Variants in FKTN observed in about 807,000 individuals in gnomAD.
FKTN encodes the protein ribitol-5-phosphate transferase FKTN.
In FKTN, 47 loss-of-function variants were observed where a neutral mutation model predicts 58.6. That is an observed-to-expected ratio of 0.80 (90% CI 0.63 to 1.02). The LOEUF (loss-of-function observed/expected upper bound fraction) is 1.02. Ranked by LOEUF, FKTN falls within the 50% of genes least tolerant of loss-of-function variation. FKTN has a pLI of 0.00. For synonymous variants in FKTN, 178 were observed against 191.9 expected (o/e 0.93, Z 0.60); for missense variants, 516 against 537.3 (o/e 0.96, Z 0.39).
At chr9:105,632,745 A>G (rs1833643382) in intron 10 of FKTN, among the ~76,000 whole-genome samples, 1 of 152,200 alleles carries the variant, frequency 6.6e-6, no homozygotes, top group African/African-American at 2.4e-5. Flanking sequence ...AAGTGGTATG[A>G]AATAGAAAAT....
intron 4 of FKTN, among the ~76,000 whole-genome samples, chr9:105,600,261 T>C (rs951395109): frequency 2.0e-4 from 30 of 152,186 alleles, no homozygotes; most frequent in African/African-American, 7.2e-4. Context: ...ACAATTGATA[T>C]TTTGTCTATT....
At position 105,601,024 on chromosome 9, in the gene FKTN, A is replaced by T. The variant is rs1245818294; in HGVS notation, c.166-121A>T. On this transcript the variant is annotated intron_variant, in intron 4 of 10. Coordinates refer to ENST00000357998, the MANE Select transcript of FKTN (RefSeq NM_001079802.2). ...CATTTGTATTTTTTAGCACAATGAT[A>T]AGCATGGTATCTATTGGGTAACTAC... 6 of 654,946 alleles carry T rather than the reference A, an allele frequency of 9.2e-6. No individual in the cohort carries two copies. In the East Asian group the frequency reaches 1.6e-4, roughly 18 times the overall value. The allele number at this position is 654,946 out of a possible 1,614,324, so 40.6% of individuals were successfully genotyped here. A position where few individuals can be genotyped will look rare whatever the true frequency, so the allele number is the denominator to read the frequency against.
In FKTN at chr9:105,559,231, C is replaced by T. The variant is rs555089677; in HGVS notation, c.-181+1066C>T. On this transcript the variant is annotated intron_variant, in intron 1 of 10. Transcript: ENST00000357998. ...AGGTTGCCAATAACTAGCCTCTTGG[C>T]TGTCATTTAATTCTTCTAGAGCCTA... Among the ~76,000 whole-genome samples, 361 of 152,282 alleles carry T rather than the reference C, an allele frequency of 2.4e-3. 1 individual carries two copies. Among genetic ancestry groups the T allele is most frequent in the African/African-American group, 8.4e-3 (349 of 41,556 alleles).
intron 4 of FKTN, among the ~76,000 whole-genome samples, chr9:105,600,069 C>T (rs1358565076): frequency 6.6e-6 from 1 of 151,852 alleles, no homozygotes; most frequent in Non-Finnish European, 1.5e-5. Context: ...AAATTTGTGT[C>T]ATCTAAGTTG....
chr9:105,583,495 A>T (rs1052358456), intron 3 of FKTN, among the ~76,000 whole-genome samples: 4 of 152,086 alleles, frequency 2.6e-5, no homozygotes, highest in Non-Finnish European at 5.9e-5. Flanking sequence ...TTCCATATGT[A>T]TATTGGTTCT....
chr9:105,596,544 A>G, intron 3 of FKTN, 54 bp from the exon 4 acceptor site: 2 of 1,083,192 alleles, frequency 1.8e-6, no homozygotes, highest in Non-Finnish European at 2.9e-6. Context: ...CTGAAATGTA[A>G]TGTTGCATGC....
intron 3 of FKTN, among the ~76,000 whole-genome samples, chr9:105,584,170 G>T (rs1465750914): frequency 7.9e-5 from 12 of 152,092 alleles, no homozygotes; most frequent in Non-Finnish European, 1.6e-4. Context: ...TCATAGACTT[G>T]TGAAGCTTAA....
Position 105,638,081 on chromosome 9 carries a change from T to C in FKTN, c.*2817T>C. On this transcript the variant is annotated 3_prime_UTR_variant, in exon 11 of 11. Transcript: ENST00000357998. Reference sequence around the variant, plus strand: ...AAAAACCATAATGTAATATTCTTTTTAAACCCTCTTATTTTATAACTAAAT... The same window carrying C: ...AAAAACCATAATGTAATATTCTTTTCAAACCCTCTTATTTTATAACTAAAT... 1 of 971,562 alleles carries C rather than the reference T, an allele frequency of 1.0e-6. No individual in the cohort carries two copies. Among genetic ancestry groups the C allele is most frequent in the Non-Finnish European group, 1.2e-6 (1 of 817,328 alleles). The allele number at this position is 971,562 out of a possible 1,614,324, so 60.2% of individuals were successfully genotyped here.
At chr9:105,602,135 T>G (rs1827983629) in intron 5 of FKTN, among the ~76,000 whole-genome samples, 1 of 152,220 alleles carries the variant, frequency 6.6e-6, no homozygotes, top group East Asian at 1.9e-4. Context: ...ACAAAAAAAG[T>G]AAAATTGTCT....
intron 3 of FKTN, among the ~76,000 whole-genome samples, chr9:105,582,345 C>T (rs946989509): frequency 3.3e-5 from 5 of 152,148 alleles, no homozygotes; most frequent in Admixed American, 6.5e-5. Flanking sequence ...AGGCACATGC[C>T]ATCACGCCTG....
intron 3 of FKTN, among the ~76,000 whole-genome samples, chr9:105,592,807 G>T (rs1442389675): frequency 6.6e-6 from 1 of 152,174 alleles, no homozygotes; most frequent in African/African-American, 2.4e-5. Context: ...ATTTCCATCT[G>T]AGACTTCCTT....
chr9:105,632,835 C>T (rs1833655281), intron 10 of FKTN, among the ~76,000 whole-genome samples: 1 of 152,144 alleles, frequency 6.6e-6, no homozygotes, highest in Admixed American at 6.5e-5. Context: ...TGCATTTAAA[C>T]CTGTTCACAT....
At chr9:105,578,106 C>T (rs1243848859) in intron 3 of FKTN, among the ~76,000 whole-genome samples, 1 of 151,764 alleles carries the variant, frequency 6.6e-6, no homozygotes, top group East Asian at 1.9e-4. Context: ...ACAATCATGT[C>T]GTCTGCAAAC....
intron 1 of FKTN, among the ~76,000 whole-genome samples, chr9:105,563,942 T>A (rs893822828): frequency 1.3e-4 from 20 of 152,178 alleles, no homozygotes; most frequent in African/African-American, 4.8e-4. Context: ...CGGGTACCCC[T>A]CTGAGACGAA....
chr9:105,581,889 G>T (rs1216899720), intron 3 of FKTN, among the ~76,000 whole-genome samples: 1 of 152,200 alleles, frequency 6.6e-6, no homozygotes, highest in Non-Finnish European at 1.5e-5. Flanking sequence ...TTTTAAGCCG[G>T]TCTGAAAAGC....
chr9:105,568,842 A>G (rs1297332997), intron 1 of FKTN, among the ~76,000 whole-genome samples: 3 of 152,214 alleles, frequency 2.0e-5, no homozygotes, highest in East Asian at 3.8e-4. Flanking sequence ...ATGCACATGT[A>G]TGTTTATTGT....
chr9:105,604,638 A>G (rs896400164), intron 6 of FKTN, 146 bp downstream of exon 6: 2 of 690,534 alleles, frequency 2.9e-6, no homozygotes, highest in Admixed American at 4.9e-5. Flanking sequence ...TCCAAATTAG[A>G]AGCCACCCAA....
At chr9:105,591,360 A>T (rs369110492) in intron 3 of FKTN, among the ~76,000 whole-genome samples, 4 of 152,326 alleles carry the variant, frequency 2.6e-5, no homozygotes, top group African/African-American at 9.6e-5. Context: ...AGTTACTCCC[A>T]AGATTCGATG....
intron 4 of FKTN, 27 bp downstream of exon 4, chr9:105,596,684 CA>C: frequency 6.8e-7 from 1 of 1,469,348 alleles, no homozygotes; most frequent in Non-Finnish European, 9.5e-7. Context: ...AGAAATTTCT[CA>C]ATTATAATGT....
Sources: allele counts gnomAD v4.1 joint callset (sites outside exome capture counted in the v4.1 genomes callset), GRCh38; gene constraint gnomAD v4.1.1; transcripts MANE v1.5; gene names NCBI Gene and HGNC (gene_info 2026-07-23, HGNC 2026-07-21).